UXS1: variants seen among roughly 807,000 people sequenced by gnomAD.
UXS1 encodes UDP-glucuronic acid decarboxylase 1.
UXS1 carries 33 observed loss-of-function variants against 62.6 expected under a neutral mutation model. The ratio of observed to expected loss-of-function variants is 0.53; its 90% confidence interval spans 0.40 to 0.70. UXS1 has a LOEUF of 0.70. Ranked by LOEUF, UXS1 falls within the 30% of genes least tolerant of loss-of-function variation. The pLI is 0.00. For missense variants in UXS1, 434 were observed against 556.3 expected, an observed-to-expected ratio of 0.78 and a Z score of 2.21; for synonymous variants, 213 against 206.8, an observed-to-expected ratio of 1.03 and a Z score of -0.26.
At chr2:106,142,278 A>G (rs1681173804) in intron 6 of UXS1, among the ~76,000 whole-genome samples, 1 of 152,220 alleles carries the variant, frequency 6.6e-6, no homozygotes, top group African/African-American at 2.4e-5. Context: ...CATCATCAGG[A>G]AAAAAGTTTC....
At chr2:106,155,153 C>T (rs1682336801) in intron 5 of UXS1, among the ~76,000 whole-genome samples, 2 of 152,152 alleles carry the variant, frequency 1.3e-5, no homozygotes, top group Non-Finnish European at 2.9e-5. Context: ...CCACTAGGCC[C>T]CACCTCCAAC....
chr2:106,164,618 G>A (rs1683101015), intron 3 of UXS1, 118 bp downstream of exon 3: 3 of 710,240 alleles, frequency 4.2e-6, no homozygotes, highest in South Asian at 2.2e-5. Flanking sequence ...TTTGAGACAC[G>A]GTTGCAAAAT....
intron 11 of UXS1, 130 bp downstream of exon 11, chr2:106,104,664 T>G: frequency 8.7e-7 from 1 of 1,142,912 alleles, no homozygotes; most frequent in South Asian, 1.6e-5. Flanking sequence ...AATTAAAAAT[T>G]TTTAATCAAT....
At chr2:106,191,432 G>A (rs554791238) in intron 1 of UXS1, among the ~76,000 whole-genome samples, 1 of 152,300 alleles carries the variant, frequency 6.6e-6, no homozygotes, top group East Asian at 1.9e-4. Flanking sequence ...AGTGTCCTTC[G>A]GTGTTATCAA....
At position 106,146,000 on chromosome 2, in the gene UXS1, A is replaced by G. The variant is rs144801758; in HGVS notation, c.292-630T>C. Among the ~76,000 whole-genome samples, 26 of 152,364 alleles carry G rather than the reference A, an allele frequency of 1.7e-4. No individual in the cohort carries two copies. The East Asian group carries it at 5.0e-3, about 29-fold the overall frequency. On this transcript the variant is annotated intron_variant, in intron 5 of 14. Transcript: ENST00000283148. ...GTGTGGTATACACTCCCAGCCACAG[A>G]GCACGATGAGGCAGCTGTGAGGGGT...
At chr2:106,109,172 T>C (rs187040281) in intron 10 of UXS1, among the ~76,000 whole-genome samples, 11 of 152,160 alleles carry the variant, frequency 7.2e-5, no homozygotes, top group South Asian at 2.1e-4. Flanking sequence ...TTGATCCCAG[T>C]CTTTCCCCCC....
At position 106,144,802 on chromosome 2, in the gene UXS1, C is replaced by T. The variant is rs1436119182; in HGVS notation, c.472+388G>A. ...ATAAAAACACTAATCTCATTTGTGA[C>T]GACTCTGTCTCCATGAACTCATCAC... On this transcript the variant is annotated intron_variant, in intron 6 of 14. Transcript: ENST00000283148. 2.6e-5 allele frequency among the ~76,000 whole-genome samples: 4 copies of T among 152,156 alleles called. No individual in the cohort carries two copies. The South Asian group carries it at 6.2e-4, about 24-fold the overall frequency.
intron 9 of UXS1, among the ~76,000 whole-genome samples, chr2:106,121,282 C>T (rs959274986): frequency 1.3e-5 from 2 of 152,156 alleles, no homozygotes; most frequent in South Asian, 2.1e-4. Context: ...ATAATTATCG[C>T]AAGCTTATAC....
In UXS1 at chr2:106,125,799, A is replaced by G. The variant is rs1679890211; in HGVS notation, c.578-120T>C. 14 of 747,072 alleles carry G rather than the reference A, an allele frequency of 1.9e-5. No individual in the cohort carries two copies. In the South Asian group the frequency reaches 4.4e-4, roughly 24 times the overall value. The allele number at this position is 747,072 out of a possible 1,614,324, so 46.3% of individuals were successfully genotyped here. A position where few individuals can be genotyped will look rare whatever the true frequency, so the allele number is the denominator to read the frequency against. On this transcript the variant is annotated intron_variant, in intron 7 of 14. Coordinates refer to ENST00000283148, the MANE Select transcript of UXS1 (RefSeq NM_001253875.2). ...CATTTAATTATCTATCCAATTATCTACCCTTACTGCGTCTGCTTTGGCACC... is the reference window on the plus strand; with the variant it reads ...CATTTAATTATCTATCCAATTATCTGCCCTTACTGCGTCTGCTTTGGCACC...
chr2:106,104,733 A>C, intron 11 of UXS1, 61 bp downstream of exon 11: 6 of 1,599,748 alleles, frequency 3.8e-6, no homozygotes, highest in Non-Finnish European at 4.3e-6. Context: ...CTGTCTGTCA[A>C]GTTGGCATGA....
At chr2:106,179,714 C>T (rs1684121306) in intron 1 of UXS1, 1 of 152,216 alleles carries the variant, frequency 6.6e-6, no homozygotes, top group Admixed American at 6.5e-5. Flanking sequence ...CCCACTCATA[C>T]AAAGCCTTCT....
chr2:106,188,236 T>C (rs1379174117), intron 1 of UXS1, among the ~76,000 whole-genome samples: 1 of 152,150 alleles, frequency 6.6e-6, no homozygotes, highest in African/African-American at 2.4e-5. Flanking sequence ...TCAATCCACG[T>C]GGACAGGGAG....
chr2:106,120,413 A>ACAG (rs545817684), intron 9 of UXS1, among the ~76,000 whole-genome samples: 105 of 152,296 alleles, frequency 6.9e-4, no homozygotes, highest in African/African-American at 2.3e-3. Flanking sequence ...TAATGACTGC[A>ACAG]CAGTGGGAAC....
At position 106,094,028 on chromosome 2, in the gene UXS1, A is replaced by G. The variant is rs1259854516; in HGVS notation, c.1276T>C (p.Ter426ArgextTer5). 6.2e-7 allele frequency: 1 copy of G among 1,611,070 alleles called. No homozygotes were observed. The highest frequency in any genetic ancestry group is 1.3e-5 in the African/African-American group (1 of 74,842). The change falls in exon 15 of 15, where the codon TGA (stop) becomes CGA (arginine). Residue 426 changes from the stop codon to arginine, a stop_lost. Transcript: ENST00000283148. ...RIKKGRTRHS* is the reference protein window; with the variant it reads ...RIKKGRTRHSR ...CTTGTGTCCTAAAAGTGAGGAGTTCAGCTGTGGCGAGTCCGTCCTTTCTTT... is the reference window on the plus strand; with the variant it reads ...CTTGTGTCCTAAAAGTGAGGAGTTCGGCTGTGGCGAGTCCGTCCTTTCTTT...
intron 7 of UXS1, 77 bp from the exon 8 acceptor site, chr2:106,125,756 A>T: frequency 7.9e-7 from 1 of 1,262,248 alleles, no homozygotes; most frequent in Non-Finnish European, 1.1e-6. Context: ...AATTTAAGCA[A>T]TGTTTTAGTA....
chr2:106,096,451 G>C (rs1344580818), intron 14 of UXS1, among the ~76,000 whole-genome samples: 5 of 152,298 alleles, frequency 3.3e-5, no homozygotes, highest in Admixed American at 6.5e-5. Flanking sequence ...GTGTATGAGA[G>C]AATGTAAGAA....
chr2:106,106,761 G>A (rs910614893), intron 10 of UXS1, among the ~76,000 whole-genome samples: 3 of 152,206 alleles, frequency 2.0e-5, no homozygotes, highest in African/African-American at 7.2e-5. Context: ...TGGTAGGACA[G>A]GAGGTCCACC....
In UXS1 at chr2:106,104,827, G is replaced by T. The variant is rs180800825; in HGVS notation, c.890C>A (p.Ser297Tyr). Residue 297 changes from serine (S) to tyrosine (Y), a missense_variant, in exon 11 of 15, where the codon TCC becomes TAC. Ser to Tyr is a moderately radical substitution (Grantham distance 144, BLOSUM62 -2). Around this residue, in one of 3 missense-constraint regions of UXS1, gnomAD observed 209 missense variants for 233.3 expected, o/e 0.90. Coordinates refer to ENST00000283148, the MANE Select transcript of UXS1 (RefSeq NM_001253875.2). ...LQGEPLTVYGSGSQTRAFQYV... is the reference protein window; with the variant it reads ...LQGEPLTVYGYGSQTRAFQYV... The stretch of plus-strand genomic sequence containing the variant: ...CTGGAACGCCCTTGTCTGAGACCCG[G>T]ATCCGTATACCTGGAAGGAAACCAA... The T allele has an allele frequency of 6.2e-7, 1 of 1,613,940 alleles. No homozygotes were observed. Among genetic ancestry groups the T allele is most frequent in the East Asian group, 2.2e-5 (1 of 44,882 alleles).
intron 1 of UXS1, chr2:106,166,480 A>T (rs1346619913): frequency 6.1e-6 from 1 of 164,150 alleles, no homozygotes; most frequent in Non-Finnish European, 1.3e-5. Context: ...GGAAAAAGAT[A>T]ATTGGTTGAG....
Sources: allele counts gnomAD v4.1 joint callset (sites outside exome capture counted in the v4.1 genomes callset), GRCh38; gene constraint gnomAD v4.1.1; regional missense constraint gnomAD v4.1.1; transcripts MANE v1.5; gene names NCBI Gene and HGNC (gene_info 2026-07-23, HGNC 2026-07-21).